NFAM1: variants seen among roughly 807,000 people sequenced by gnomAD.
The protein encoded by NFAM1 is NFAT activation molecule 1.
Under a neutral mutation model 29.0 loss-of-function variants are expected in NFAM1, and 17 were observed. The observed-to-expected ratio is 0.59, with a 90% confidence interval of 0.40 to 0.88. NFAM1 has a LOEUF of 0.88. NFAM1 is among the 40% of genes least tolerant of loss of function. The pLI is 0.00. For synonymous variants in NFAM1, 175 were observed against 147.2 expected (o/e 1.19, Z -1.36); for missense variants, 324 against 344.6 (o/e 0.94, Z 0.47).
intron 4 of NFAM1, among the ~76,000 whole-genome samples, chr22:42,395,187 A>C (rs1423291392): frequency 6.9e-6 from 1 of 145,700 alleles, no homozygotes; most frequent in African/African-American, 2.6e-5. Flanking sequence ...AAAAAAAATA[A>C]AACAGGCCAA....
intron 1 of NFAM1, among the ~76,000 whole-genome samples, chr22:42,424,954 C>G (rs1419461087): frequency 6.8e-6 from 1 of 146,826 alleles, no homozygotes; most frequent in Non-Finnish European, 1.5e-5. Context: ...TGGAGTCTTG[C>G]TCTGTCGCCC....
At chr22:42,408,745 G>A (rs1030622901) in intron 3 of NFAM1, among the ~76,000 whole-genome samples, 22 of 152,210 alleles carry the variant, frequency 1.4e-4, no homozygotes, top group African/African-American at 4.3e-4. Context: ...GAGCATGAGG[G>A]GAGCCCCAGC....
rs908466896 is a variant in NFAM1 at position 42,381,858 on chromosome 22, C to G, written c.*3303G>C. The G allele has an allele frequency of 1.3e-5, 2 of 152,598 alleles. No homozygotes were observed. Among genetic ancestry groups the G allele is most frequent in the African/African-American group, 4.8e-5 (2 of 41,444 alleles). 9.5% of individuals were successfully genotyped at this position (152,598 alleles called of 1,614,324 possible). On this transcript the variant is annotated 3_prime_UTR_variant, in exon 6 of 6. Transcript: ENST00000329021. The stretch of plus-strand genomic sequence containing the variant: ...GCCTGTCCATCTGATCGTGCTACCC[C>G]GTAGGCACTCCTTAAAGGCATGGCT...
intron 1 of NFAM1, among the ~76,000 whole-genome samples, chr22:42,430,679 T>C (rs969104434): frequency 6.6e-6 from 1 of 152,020 alleles, no homozygotes; most frequent in Admixed American, 6.6e-5. Flanking sequence ...ATGTAATGTT[T>C]GTTGCAATAC....
chr22:42,392,400 C>T (rs1929374899), intron 4 of NFAM1, among the ~76,000 whole-genome samples: 1 of 151,910 alleles, frequency 6.6e-6, no homozygotes. Context: ...AATGTGGAGT[C>T]AATGGTGACC....
At position 42,380,506 on chromosome 22, in the gene NFAM1, T is replaced by C. The variant is rs568099245; in HGVS notation, c.*4655A>G. The C allele has an allele frequency of 2.6e-5, 4 of 152,628 alleles. No individual in the cohort carries two copies. The highest frequency in any genetic ancestry group is 9.6e-5 in the African/African-American group (4 of 41,578). The allele number at this position is 152,628 out of a possible 1,614,324, so 9.5% of individuals were successfully genotyped here. On this transcript the variant is annotated 3_prime_UTR_variant, in exon 6 of 6. Coordinates refer to ENST00000329021, the MANE Select transcript of NFAM1 (RefSeq NM_145912.8). Reference sequence around the variant, plus strand: ...ACACAAAACACACGCCAACACCAAGTTCAGAGAGTCTGGCCTGACCCGCGC... The same window carrying C: ...ACACAAAACACACGCCAACACCAAGCTCAGAGAGTCTGGCCTGACCCGCGC...
intron 3 of NFAM1, among the ~76,000 whole-genome samples, chr22:42,406,720 G>A (rs755671385): frequency 7.2e-5 from 11 of 152,154 alleles, no homozygotes; most frequent in African/African-American, 1.9e-4. Context: ...GTGGTGCATC[G>A]TCGGTCTCGC....
chr22:42,413,744 A>C (rs1930168988), intron 1 of NFAM1, among the ~76,000 whole-genome samples: 1 of 152,004 alleles, frequency 6.6e-6, no homozygotes, highest in Non-Finnish European at 1.5e-5. Flanking sequence ...CTATATAACA[A>C]CAATAATAAC....
chr22:42,404,005 G>A (rs992531516), intron 3 of NFAM1, among the ~76,000 whole-genome samples: 1 of 152,172 alleles, frequency 6.6e-6, no homozygotes, highest in Non-Finnish European at 1.5e-5. Context: ...CCTGCGGGCA[G>A]GGCTGACTGT....
chr22:42,431,321 T>C (rs530004435), intron 1 of NFAM1, among the ~76,000 whole-genome samples: 2 of 152,180 alleles, frequency 1.3e-5, no homozygotes, highest in Admixed American at 6.5e-5. Context: ...TTTGTGGTCA[T>C]GAGAGGGGGT....
chr22:42,388,913 G>A lies in NFAM1; in HGVS notation c.664-1835C>T, dbSNP rs1226605854. ...ATTTGGAATGGAGGGAAACTTCCAA[G>A]TCCTGCCCTGCCTTGTGCGGCCTTC... On this transcript the variant is annotated intron_variant, in intron 4 of 5. Transcript: ENST00000329021. The surrounding 1 kb of genome is among the most constrained non-coding windows in gnomAD (Gnocchi z 4.1). Among the ~76,000 whole-genome samples, 1 of 152,188 alleles carries A rather than the reference G, an allele frequency of 6.6e-6. No homozygotes were observed. The highest frequency in any genetic ancestry group is 1.5e-5 in the Non-Finnish European group (1 of 68,030).
At chr22:42,432,753 A>AG (rs1930852028), upstream of NFAM1, among the ~76,000 whole-genome samples, 1 of 152,208 alleles carries the variant, frequency 6.6e-6, no homozygotes, top group Admixed American at 6.5e-5. Flanking sequence ...AACGACCACA[A>AG]GCATGTTCAC....
chr22:42,380,680 C>T lies in NFAM1; in HGVS notation c.*4481G>A, dbSNP rs1355897402. ...GCTGGACTGAGCCAACGGCCCACCT[C>T]TCCTGCATAAGCTGTCTGCCAAGAA... On this transcript the variant is annotated 3_prime_UTR_variant, in exon 6 of 6. Coordinates refer to ENST00000329021, the MANE Select transcript of NFAM1 (RefSeq NM_145912.8). 3 of 152,650 alleles carry T rather than the reference C, an allele frequency of 2.0e-5. No homozygotes were observed. Among genetic ancestry groups the T allele is most frequent in the Non-Finnish European group, 4.4e-5 (3 of 68,050 alleles). The allele number at this position is 152,650 out of a possible 1,614,324, so 9.5% of individuals were successfully genotyped here.
chr22:42,406,043 C>T (rs963935832), intron 3 of NFAM1, among the ~76,000 whole-genome samples: 15 of 148,176 alleles, frequency 1.0e-4, no homozygotes, highest in African/African-American at 1.7e-4. Context: ...AACTAAGGCA[C>T]GGGCTCCAGA....
intron 1 of NFAM1, among the ~76,000 whole-genome samples, chr22:42,416,028 C>T (rs1485921788): frequency 6.6e-6 from 1 of 151,974 alleles, no homozygotes; most frequent in East Asian, 1.9e-4. Flanking sequence ...GCCCGGGGGT[C>T]TAGAGGGTGT....
At chr22:42,400,733 C>T (rs1929698021) in intron 3 of NFAM1, among the ~76,000 whole-genome samples, 1 of 152,240 alleles carries the variant, frequency 6.6e-6, no homozygotes, top group Non-Finnish European at 1.5e-5. Flanking sequence ...GCCTCCCCTG[C>T]ACCACCTGCT....
At chr22:42,411,003 CTA>C (rs1169502056) in intron 2 of NFAM1, among the ~76,000 whole-genome samples, 2 of 146,690 alleles carry the variant, frequency 1.4e-5, no homozygotes, top group Non-Finnish European at 3.0e-5. Context: ...AAACCATTCT[CTA>C]TTTCTTTTCT....
chr22:42,392,812 T>C (rs568463219), intron 4 of NFAM1, among the ~76,000 whole-genome samples: 225 of 152,218 alleles, frequency 1.5e-3, no homozygotes, highest in African/African-American at 5.1e-3. Flanking sequence ...TATTTTTATT[T>C]ATTTTGTGAC....
intron 1 of NFAM1, among the ~76,000 whole-genome samples, chr22:42,422,344 G>T (rs1277409626): frequency 6.6e-6 from 1 of 152,158 alleles, no homozygotes; most frequent in African/African-American, 2.4e-5. Flanking sequence ...AGGTGCTCAC[G>T]CCTGTAATCC....
Sources: allele counts gnomAD v4.1 joint callset (sites outside exome capture counted in the v4.1 genomes callset), GRCh38; gene constraint gnomAD v4.1.1; non-coding constraint Gnocchi (gnomAD v3.1); transcripts MANE v1.5; gene names NCBI Gene and HGNC (gene_info 2026-07-23, HGNC 2026-07-21).